The following PCDH17 variants were observed in gnomAD, a reference collection of about 807,000 sequenced individuals.
PCDH17 encodes protocadherin 17.
In PCDH17, 21 loss-of-function variants were observed where a neutral mutation model predicts 67.7. The ratio of observed to expected loss-of-function variants is 0.31; its 90% CI spans 0.22 to 0.45. The LOEUF is 0.45. PCDH17 is among the 20% of genes least tolerant of loss of function. The pLI is 1.00. For synonymous variants in PCDH17, 701 were observed against 656.7 expected, an observed-to-expected ratio of 1.07 and a Z score of -1.03; for missense variants, 1,471 against 1,564.8, an observed-to-expected ratio of 0.94 and a Z score of 1.01.
rs1194517489 is a variant in PCDH17 at position 57,634,404 on chromosome 13, A to G, written c.1858A>G (p.Ser620Gly). 6.2e-7 allele frequency: 1 copy of G among 1,612,612 alleles called. No homozygotes were observed. Among genetic ancestry groups the G allele is most frequent in the Non-Finnish European group, 8.5e-7 (1 of 1,179,884 alleles). Residue 620 changes from serine (S) to glycine (G), a missense_variant, in exon 1 of 4, where the codon AGC becomes GGC. Physicochemically the swap from Ser to Gly is moderately conservative, Grantham distance 56. This residue lies in a region of PCDH17 where 1,163 missense variants were observed against 1,230.0 expected (regional missense o/e 0.95). Coordinates refer to ENST00000377918, the MANE Select transcript of PCDH17 (RefSeq NM_001040429.3). The surrounding 1 kb of genome is among the most constrained non-coding windows in gnomAD (Gnocchi z 7.8). ...CGCCCTAGACAGCGACTTCGGCGAG[A>G]GCGGGCGTCTCACCTACGAGATCGT... ...VRALDSDFGESGRLTYEIVDG... is the reference protein window; with the variant it reads ...VRALDSDFGEGGRLTYEIVDG...
intron 3 of PCDH17, among the ~76,000 whole-genome samples, chr13:57,676,706 T>C (rs1487202275): frequency 1.3e-5 from 2 of 151,906 alleles, no homozygotes; most frequent in Non-Finnish European, 2.9e-5. Context: ...CAGTATGTTC[T>C]GTGGGAATCC....
chr13:57,682,286 A>C (rs913938896), intron 3 of PCDH17, among the ~76,000 whole-genome samples: 1 of 151,708 alleles, frequency 6.6e-6, no homozygotes, highest in African/African-American at 2.4e-5. Context: ...GTTCTACTTG[A>C]AATTTCTTCA....
intron 3 of PCDH17, among the ~76,000 whole-genome samples, chr13:57,720,752 C>T (rs1427771232): frequency 6.6e-6 from 1 of 151,890 alleles, no homozygotes; most frequent in African/African-American, 2.4e-5. Context: ...AATATGTGTG[C>T]ATGTGTCTGT....
chr13:57,653,830 A>G (rs1419703180), intron 1 of PCDH17, among the ~76,000 whole-genome samples: 1 of 152,076 alleles, frequency 6.6e-6, no homozygotes. Context: ...ATGTGTCGAA[A>G]TGCATTTTGT....
intron 3 of PCDH17, among the ~76,000 whole-genome samples, chr13:57,679,926 TG>T (rs1362390797): frequency 6.6e-6 from 1 of 151,442 alleles, no homozygotes; most frequent in Non-Finnish European, 1.5e-5. Flanking sequence ...TCTTTACTCA[TG>T]GGGTTATGTT....
At chr13:57,673,397 G>A (rs924157081) in intron 3 of PCDH17, among the ~76,000 whole-genome samples, 1 of 151,940 alleles carries the variant, frequency 6.6e-6, no homozygotes, top group African/African-American at 2.4e-5. Context: ...GGCTCTTTCA[G>A]CTTTTAATAT....
intron 1 of PCDH17, among the ~76,000 whole-genome samples, chr13:57,651,996 G>C (rs1283681085): frequency 6.6e-6 from 1 of 152,028 alleles, no homozygotes; most frequent in Non-Finnish European, 1.5e-5. Context: ...GAACACTTAC[G>C]GGCCGGGCGC....
chr13:57,724,216 T>C (rs1191402695), intron 3 of PCDH17, among the ~76,000 whole-genome samples: 2 of 152,238 alleles, frequency 1.3e-5, no homozygotes, highest in East Asian at 3.8e-4. Context: ...AGTTTTTGCC[T>C]TGTTATTTGA....
At chr13:57,668,041 G>A (rs1044726172) in intron 3 of PCDH17, among the ~76,000 whole-genome samples, 10 of 151,262 alleles carry the variant, frequency 6.6e-5, no homozygotes, top group South Asian at 4.1e-4. Flanking sequence ...CTTTTTTCAC[G>A]ATCTTTTACC....
chr13:57,722,602 C>T (rs1955880195), intron 3 of PCDH17, among the ~76,000 whole-genome samples: 1 of 151,912 alleles, frequency 6.6e-6, no homozygotes, highest in Non-Finnish European at 1.5e-5. Flanking sequence ...TTTCTTTTTG[C>T]TTTTCTATGT....
rs1289358131 is a variant in PCDH17 at position 57,633,324 on chromosome 13, A to G, written c.778A>G (p.Thr260Ala). 5 of 1,613,190 alleles carry G rather than the reference A, an allele frequency of 3.1e-6. No homozygotes were observed. In the South Asian group the frequency reaches 4.4e-5, roughly 14 times the overall value. ...ACTGCCCGAGAACGCTCCGCTGGGT[A>G]CAGTGGTCATCGATCTGAACGCCAC... is the stretch of plus-strand genomic sequence containing the variant. ...VELPENAPLG[T>A]VVIDLNATDA... Residue 260 changes from threonine to alanine, a missense_variant, in exon 1 of 4, where the codon ACA becomes GCA. Thr to Ala is a moderately conservative substitution (Grantham distance 58). This residue lies in a region of PCDH17 where 1,163 missense variants were observed against 1,230.0 expected (regional missense o/e 0.95). Transcript: ENST00000377918. This position sits in a 1 kb window ranked among gnomAD's most constrained non-coding sequence, Gnocchi z 6.2.
chr13:57,660,383 G>T (rs1011949559), intron 1 of PCDH17, among the ~76,000 whole-genome samples: 2 of 151,890 alleles, frequency 1.3e-5, no homozygotes, highest in African/African-American at 2.4e-5. Context: ...TCAGAAATTG[G>T]CTCAGTATCA....
chr13:57,686,507 G>A (rs1474435743), intron 3 of PCDH17, among the ~76,000 whole-genome samples: 2 of 151,854 alleles, frequency 1.3e-5, no homozygotes, highest in African/African-American at 2.4e-5. Context: ...GGGCCAGTCT[G>A]GGTCTATTTC....
intron 3 of PCDH17, among the ~76,000 whole-genome samples, chr13:57,699,052 T>C (rs1955638032): frequency 6.6e-6 from 1 of 151,694 alleles, no homozygotes; most frequent in African/African-American, 2.4e-5. Flanking sequence ...GTATTAGAGA[T>C]AACGGCAGTT....
chr13:57,659,516 T>C (rs1478292480), intron 1 of PCDH17, among the ~76,000 whole-genome samples: 1 of 152,130 alleles, frequency 6.6e-6, no homozygotes, highest in Admixed American at 6.6e-5. Context: ...AATTGTATTA[T>C]AAACTAAGAA....
In PCDH17 at chr13:57,633,925, T is replaced by C. The variant is rs778930576; in HGVS notation, c.1379T>C (p.Ile460Thr). Residue 460 changes from isoleucine (I) to threonine (T), a missense_variant, in exon 1 of 4, where the codon ATC becomes ACC. This residue lies in a region of PCDH17 where 1,163 missense variants were observed against 1,230.0 expected (regional missense o/e 0.95). Transcript: ENST00000377918. This position sits in a 1 kb window ranked among gnomAD's most constrained non-coding sequence, Gnocchi z 6.2. ...PPLNSTKSFA[I>T]KILDENDNPP... is the part of the protein sequence containing the mutation. ...CTCAACTCCACCAAGTCGTTCGCGA[T>C]CAAGATTCTAGACGAGAACGACAAC... 3.1e-6 allele frequency: 5 copies of C among 1,613,404 alleles called. No individual in the cohort carries two copies. The Admixed American group carries it at 8.3e-5, about 27-fold the overall frequency.
rs2138112068 is a variant in PCDH17, at chr13:57,728,101, TTGG to T, written c.*2812_*2814del. On this transcript the variant is annotated 3_prime_UTR_variant, in exon 4 of 4. Transcript: ENST00000377918. ...TTAGTAGTGATTATTTATTTACAAGTTGGTGGTAATTCAGCAGTCAGGACTCTA... is the reference window on the plus strand; with the variant it reads ...TTAGTAGTGATTATTTATTTACAAGTTGGTAATTCAGCAGTCAGGACTCTA... 1 of 152,662 alleles carries T rather than the reference TTGG, an allele frequency of 6.6e-6. No individual in the cohort carries two copies. The highest frequency in any genetic ancestry group is 1.5e-5 in the Non-Finnish European group (1 of 67,986). The allele number at this position is 152,662 out of a possible 1,614,324, so 9.5% of individuals were successfully genotyped here.
intron 3 of PCDH17, among the ~76,000 whole-genome samples, chr13:57,681,187 G>A (rs761651465): frequency 6.6e-6 from 1 of 151,642 alleles, no homozygotes; most frequent in East Asian, 2.0e-4. Context: ...CTCATGCCAT[G>A]TCTGTACTTA....
In PCDH17 at chr13:57,633,800, C is replaced by T; in HGVS notation, c.1254C>T (p.Tyr418=). 1.2e-6 allele frequency: 2 copies of T among 1,609,382 alleles called. No homozygotes were observed. The change falls in exon 1 of 4, where the codon TAC becomes TAT. Residue 418 remains tyrosine, a synonymous_variant. Transcript: ENST00000377918. The surrounding 1 kb of genome is among the most constrained non-coding windows in gnomAD (Gnocchi z 6.2). ...TCCCCTTCAAGCTTGAGGAGAACTACGACAACTTCTACACGGTGGTGACTG... is the reference window on the plus strand; with the variant it reads ...TCCCCTTCAAGCTTGAGGAGAACTATGACAACTTCTACACGGTGGTGACTG... ...GSVPFKLEEN[Y]DNFYTVVTDR... is the part of the protein sequence containing the mutation.
Sources: gnomAD v4.1 joint callset for allele counts (sites outside exome capture counted in the v4.1 genomes callset) on GRCh38, gnomAD v4.1.1 for gene constraint, gnomAD v4.1.1 regional missense constraint, Gnocchi (gnomAD v3.1) non-coding constraint, MANE v1.5 for transcripts, NCBI Gene and HGNC (gene_info 2026-07-23, HGNC 2026-07-21) for gene names.